The following CACNA1C variants were observed in gnomAD, a reference collection of about 807,000 sequenced individuals.
CACNA1C encodes the protein calcium voltage-gated channel subunit alpha1 C.
Under a neutral mutation model 229.0 loss-of-function variants are expected in CACNA1C, and 30 were observed. That is an observed-to-expected ratio of 0.13 (90% CI 0.10 to 0.18). CACNA1C has a LOEUF of 0.18. Ranked by LOEUF, CACNA1C falls within the 10% of genes least tolerant of loss-of-function variation. The probability of loss-of-function intolerance (pLI) is 1.00; values close to 1 mark genes in which losing one functional copy is unlikely to be tolerated. For synonymous variants in CACNA1C, 1,114 were observed against 1,132.5 expected (o/e 0.98, Z 0.33); for missense variants, 1,658 against 2,845.0 (o/e 0.58, Z 9.49).
At chr12:2,392,665 C>T (rs2098505741) in intron 3 of CACNA1C, among the ~76,000 whole-genome samples, 1 of 152,166 alleles carries the variant, frequency 6.6e-6, no homozygotes, top group African/African-American at 2.4e-5. Context: ...TTAAAAAGGT[C>T]CTTTGCATTA....
Position 2,069,410 on chromosome 12 carries a change from G to T in CACNA1C, c.49+15799G>T, listed in dbSNP as rs890397423. ...ACCCCAAGTTATTTGACTTGCATGT[G>T]GGGGGTGTGCCTGTACGTGTGTGGA... On this transcript the variant is annotated intron_variant, in intron 1 of 46. Transcript: ENST00000399655. Among the ~76,000 whole-genome samples, 8 of 152,296 alleles carry T rather than the reference G, an allele frequency of 5.3e-5. No individual in the cohort carries two copies. In the South Asian group the frequency reaches 1.2e-3, roughly 24 times the overall value.
At position 2,479,559 on chromosome 12, in the gene CACNA1C, AG is replaced by A. The variant is rs1567931365; in HGVS notation, c.758-6544del. 6.6e-6 allele frequency among the ~76,000 whole-genome samples: 1 copy of A among 152,262 alleles called. No homozygotes were observed. Among genetic ancestry groups the A allele is most frequent in the African/African-American group, 2.4e-5 (1 of 41,478 alleles). ...CTTGCTTTGGTAGGGCCAGCCTCTC[AG>A]TCAGCCATCATTCAGCTAATCAGAC... On this transcript the variant is annotated intron_variant, in intron 5 of 46. Coordinates refer to ENST00000399655, the MANE Select transcript of CACNA1C (RefSeq NM_000719.7). The surrounding 1 kb of genome is among the most constrained non-coding windows in gnomAD (Gnocchi z 4.3).
At chr12:2,240,494 G>A (rs1249457812) in intron 3 of CACNA1C, among the ~76,000 whole-genome samples, 1 of 152,202 alleles carries the variant, frequency 6.6e-6, no homozygotes, top group African/African-American at 2.4e-5. Flanking sequence ...CCACTGATAG[G>A]GCTCCAGGCA....
chr12:2,092,164 A>G (rs374791279), intron 1 of CACNA1C, among the ~76,000 whole-genome samples: 8 of 152,220 alleles, frequency 5.3e-5, no homozygotes, highest in African/African-American at 1.9e-4. Flanking sequence ...AAAGGAGGAC[A>G]GGAATAGCAG....
chr12:2,128,964 G>T (rs781337220), intron 3 of CACNA1C, among the ~76,000 whole-genome samples: 167 of 152,318 alleles, frequency 1.1e-3, no homozygotes, highest in Admixed American at 4.4e-3. Flanking sequence ...AGTGGGTGAG[G>T]CATCTCCCGG....
rs1162208920 is a variant in CACNA1C, at chr12:2,665,040, AGGG to A, written c.4398+51_4398+53del. 8 of 1,584,088 alleles carry A rather than the reference AGGG, an allele frequency of 5.1e-6. No homozygotes were observed. The highest frequency in any genetic ancestry group is 6.9e-6 in the Non-Finnish European group (8 of 1,153,974). On this transcript the variant is annotated intron_variant, in intron 35 of 46. Transcript: ENST00000399655. The surrounding 1 kb of genome is among the most constrained non-coding windows in gnomAD (Gnocchi z 5.9). ...CCAGCAGCCATGACTGCCCAGTTCCAGGGCAGTCTGAACCGTCCATCTCTGCAG... is the reference window on the plus strand; with the variant it reads ...CCAGCAGCCATGACTGCCCAGTTCCACAGTCTGAACCGTCCATCTCTGCAG...
chr12:2,673,498 T>C (rs1030526533), intron 38 of CACNA1C, among the ~76,000 whole-genome samples: 1 of 149,504 alleles, frequency 6.7e-6, no homozygotes, highest in African/African-American at 2.5e-5. Context: ...ACCCCGTTAG[T>C]AGCTCATGGT....
intron 1 of CACNA1C, among the ~76,000 whole-genome samples, chr12:2,075,002 G>C (rs1168659552): frequency 6.6e-6 from 1 of 152,258 alleles, no homozygotes; most frequent in African/African-American, 2.4e-5. Context: ...GGGAGCTCCA[G>C]TGGAGACGTC....
At chr12:2,452,419 C>T (rs1483193188) in intron 4 of CACNA1C, among the ~76,000 whole-genome samples, 1 of 152,160 alleles carries the variant, frequency 6.6e-6, no homozygotes, top group African/African-American at 2.4e-5. Flanking sequence ...ACCTCCCTAG[C>T]AGGGTGGAGG....
At chr12:2,259,777 A>G (rs1393080081) in intron 3 of CACNA1C, among the ~76,000 whole-genome samples, 4 of 152,196 alleles carry the variant, frequency 2.6e-5, no homozygotes, top group African/African-American at 9.7e-5. Flanking sequence ...CTACTAAAAA[A>G]GTAAAATAAT....
At chr12:2,552,881 G>A (rs1021202049) in intron 10 of CACNA1C, among the ~76,000 whole-genome samples, 1 of 152,162 alleles carries the variant, frequency 6.6e-6, no homozygotes. Context: ...TGTGGGAAGC[G>A]CTGGCCTTCA....
chr12:2,264,289 A>G (rs192247723), intron 3 of CACNA1C, among the ~76,000 whole-genome samples: 288 of 152,360 alleles, frequency 1.9e-3, no homozygotes, highest in African/African-American at 6.1e-3. Flanking sequence ...TTCTCAGATC[A>G]GCCCTCTGGC....
rs933341735 is a variant in CACNA1C, at chr12:2,244,271, C to T, written c.477+123841C>T. ...GGCTCCCCTAGCATGCGTTGTGGGA[C>T]GTCAGCTGCCTGCTGTGCTCATTAC... On this transcript the variant is annotated intron_variant, in intron 3 of 46. Coordinates refer to ENST00000399655, the MANE Select transcript of CACNA1C (RefSeq NM_000719.7). Among the ~76,000 whole-genome samples the T allele has an allele frequency of 1.5e-4, 23 of 152,214 alleles. 1 individual carries two copies. Among genetic ancestry groups the T allele is most frequent in the African/African-American group, 1.9e-4 (8 of 41,454 alleles).
chr12:2,373,927 C>CT (rs2097943056), intron 3 of CACNA1C, among the ~76,000 whole-genome samples: 1 of 152,204 alleles, frequency 6.6e-6, no homozygotes, highest in African/African-American at 2.4e-5. Flanking sequence ...AAGGGATATT[C>CT]CGAATTCCTT....
intron 13 of CACNA1C, among the ~76,000 whole-genome samples, chr12:2,568,251 C>G (rs1192149875): frequency 2.0e-5 from 3 of 152,116 alleles, no homozygotes; most frequent in Admixed American, 6.5e-5. Flanking sequence ...AGCTTCTCCA[C>G]TCCCAGAAGT....
At chr12:2,364,024 GA>G (rs2097652230) in intron 3 of CACNA1C, among the ~76,000 whole-genome samples, 1 of 152,192 alleles carries the variant, frequency 6.6e-6, no homozygotes, top group African/African-American at 2.4e-5. Flanking sequence ...GTTTAGCAGA[GA>G]GGGTGGACTG....
At chr12:2,339,787 T>G (rs1593298646) in intron 3 of CACNA1C, among the ~76,000 whole-genome samples, 1 of 152,324 alleles carries the variant, frequency 6.6e-6, no homozygotes, top group Non-Finnish European at 1.5e-5. Context: ...TGTTGTTGAC[T>G]GCAGTGTTAT....
intron 13 of CACNA1C, among the ~76,000 whole-genome samples, chr12:2,580,011 A>G (rs1478089008): frequency 6.6e-6 from 1 of 152,148 alleles, no homozygotes; most frequent in Non-Finnish European, 1.5e-5. Context: ...AGATCACTAC[A>G]GCCTCTAGCC....
At chr12:2,397,987 C>T (rs888620129) in intron 3 of CACNA1C, among the ~76,000 whole-genome samples, 1 of 152,218 alleles carries the variant, frequency 6.6e-6, no homozygotes, top group African/African-American at 2.4e-5. Flanking sequence ...CTGCCTAGCC[C>T]CTGGGCCTGT....
Sources: allele counts gnomAD v4.1 joint callset (sites outside exome capture counted in the v4.1 genomes callset), GRCh38; gene constraint gnomAD v4.1.1; non-coding constraint Gnocchi (gnomAD v3.1); transcripts MANE v1.5; gene names NCBI Gene and HGNC (gene_info 2026-07-23, HGNC 2026-07-21).